NRXN3: variants seen among roughly 807,000 people sequenced by gnomAD.
NRXN3 encodes neurexin 3, also known as neurexin III.
In NRXN3, 32 loss-of-function variants were observed where a neutral mutation model predicts 137.6. The ratio of observed to expected loss-of-function variants is 0.23; its 90% CI spans 0.18 to 0.31. The LOEUF is 0.31. Ranked by LOEUF, NRXN3 falls within the 10% of genes least tolerant of loss-of-function variation. NRXN3 has a pLI of 1.00. For synonymous variants in NRXN3, 798 were observed against 784.5 expected (o/e 1.02, Z -0.29); for missense variants, 1,574 against 2,062.5 (o/e 0.76, Z 4.59).
chr14:79,722,428 C>T (rs2098847834), intron 19 of NRXN3, among the ~76,000 whole-genome samples: 1 of 152,090 alleles, frequency 6.6e-6, no homozygotes, highest in Non-Finnish European at 1.5e-5. Flanking sequence ...AATTCCAACT[C>T]ATATTACCCT....
rs150239150 is a variant in NRXN3, at chr14:78,714,957, A to G, written c.1862A>G (p.Lys621Arg). ...IRDLFIDGRSKNIRQLAEMQN... is the reference protein window; with the variant it reads ...IRDLFIDGRSRNIRQLAEMQN... ...GACCTATTCATTGATGGGCGCAGCAAGAACATTCGACAGCTGGCAGAGATG... is the reference window on the plus strand; with the variant it reads ...GACCTATTCATTGATGGGCGCAGCAGGAACATTCGACAGCTGGCAGAGATG... The change falls in exon 8 of 21, where the codon AAG becomes AGG. Residue 621 changes from lysine to arginine, a missense_variant. By Grantham distance (26) the Lys-to-Arg change is conservative. Transcript: ENST00000335750. 3.6e-5 allele frequency: 58 copies of G among 1,614,056 alleles called. 1 individual carries two copies. The African/African-American group carries it at 7.1e-4, about 20-fold the overall frequency.
At chr14:79,073,492 T>A (rs893690316) in intron 15 of NRXN3, among the ~76,000 whole-genome samples, 1 of 152,186 alleles carries the variant, frequency 6.6e-6, no homozygotes, top group Non-Finnish European at 1.5e-5. Flanking sequence ...TCCTGCTTGA[T>A]GTGAATAAAA....
intron 4 of NRXN3, among the ~76,000 whole-genome samples, chr14:78,380,295 G>A (rs34844197): frequency 0.046 from 5,113 of 110,364 alleles, 133 homozygotes; most frequent in Admixed American, 0.1. Flanking sequence ...GCGACAGAGC[G>A]AGACTCCGTC....
At chr14:79,381,392 T>C (rs1343963335) in intron 15 of NRXN3, among the ~76,000 whole-genome samples, 4 of 152,126 alleles carry the variant, frequency 2.6e-5, no homozygotes, top group Admixed American at 2.6e-4. Flanking sequence ...TATTGAACTA[T>C]ATGATCTCTG....
intron 10 of NRXN3, among the ~76,000 whole-genome samples, chr14:78,926,624 T>C: frequency 1.8e-5 from 2 of 108,314 alleles, no homozygotes; most frequent in South Asian, 4.7e-4. Context: ...AATGTATATT[T>C]ATATATAATA....
At chr14:78,446,060 G>A (rs2094409465) in intron 4 of NRXN3, among the ~76,000 whole-genome samples, 1 of 152,164 alleles carries the variant, frequency 6.6e-6, no homozygotes, top group Non-Finnish European at 1.5e-5. Context: ...GCAAGGCACA[G>A]CAAGCTTGAC....
chr14:79,299,621 A>C (rs2084797795), intron 15 of NRXN3, among the ~76,000 whole-genome samples: 1 of 152,118 alleles, frequency 6.6e-6, no homozygotes, highest in Admixed American at 6.6e-5. Flanking sequence ...TGTTGTGATT[A>C]AACATTTTTA....
At chr14:79,759,177 G>A (rs754351038) in intron 19 of NRXN3, among the ~76,000 whole-genome samples, 1 of 152,080 alleles carries the variant, frequency 6.6e-6, no homozygotes, top group Non-Finnish European at 1.5e-5. Context: ...AGTTAAGGAG[G>A]CCAATTTCTC....
At chr14:79,511,195 T>C (rs2096929186) in intron 16 of NRXN3, among the ~76,000 whole-genome samples, 1 of 152,202 alleles carries the variant, frequency 6.6e-6, no homozygotes, top group Non-Finnish European at 1.5e-5. Context: ...ACTGGAAAGA[T>C]AGCAAGTGGA....
chr14:79,413,257 T>A (rs552953756), intron 15 of NRXN3, among the ~76,000 whole-genome samples: 1 of 152,296 alleles, frequency 6.6e-6, no homozygotes, highest in South Asian at 2.1e-4. Context: ...TCTCTGTAAA[T>A]CTGAGAAGTT....
chr14:79,495,315 T>C (rs1367442153), intron 16 of NRXN3, among the ~76,000 whole-genome samples: 4 of 152,204 alleles, frequency 2.6e-5, no homozygotes, highest in African/African-American at 9.6e-5. Flanking sequence ...ACAGCTTCCT[T>C]TATCCCTTAG....
chr14:78,811,369 AAGAGAGAG>A (rs138202384), intron 10 of NRXN3, among the ~76,000 whole-genome samples: 1 of 149,386 alleles, frequency 6.7e-6, no homozygotes, highest in Non-Finnish European at 1.5e-5. Flanking sequence ...ATCCGTAGGG[AAGAGAGAG>A]AGAGAGAGAG....
At chr14:78,426,997 C>T (rs2093689572) in intron 4 of NRXN3, among the ~76,000 whole-genome samples, 1 of 152,106 alleles carries the variant, frequency 6.6e-6, no homozygotes, top group Admixed American at 6.5e-5. Flanking sequence ...CTGATTACTT[C>T]AAAAGGAAAA....
chr14:79,758,012 A>AGAGTG (rs1335578908), intron 19 of NRXN3, among the ~76,000 whole-genome samples: 1 of 152,200 alleles, frequency 6.6e-6, no homozygotes, highest in Non-Finnish European at 1.5e-5. Context: ...CCATTAAAGT[A>AGAGTG]GAGTGTGTTG....
intron 4 of NRXN3, among the ~76,000 whole-genome samples, chr14:78,527,195 G>A (rs1013750341): frequency 2.6e-5 from 4 of 152,116 alleles, no homozygotes; most frequent in Admixed American, 2.0e-4. Flanking sequence ...CTGAGACTGA[G>A]TAATTTATAA....
chr14:79,295,801 T>G (rs2083990219), intron 15 of NRXN3, among the ~76,000 whole-genome samples: 1 of 152,222 alleles, frequency 6.6e-6, no homozygotes, highest in Non-Finnish European at 1.5e-5. Context: ...TTTTTCACGT[T>G]GCAGCTGACT....
chr14:78,991,468 C>A (rs1306467207), intron 15 of NRXN3, among the ~76,000 whole-genome samples: 6 of 152,084 alleles, frequency 3.9e-5, no homozygotes, highest in Non-Finnish European at 2.9e-5. Context: ...TTGTAAAAAG[C>A]ATTTTGTGGG....
intron 1 of NRXN3, among the ~76,000 whole-genome samples, chr14:78,188,676 C>G (rs2153369268): frequency 6.6e-6 from 1 of 152,288 alleles, no homozygotes; most frequent in South Asian, 2.1e-4. Flanking sequence ...AAGACATAGA[C>G]TTTGGAATCA....
chr14:78,945,829 T>C (rs1367744260), intron 10 of NRXN3, among the ~76,000 whole-genome samples: 2 of 152,232 alleles, frequency 1.3e-5, no homozygotes, highest in African/African-American at 4.8e-5. Context: ...TTCTGGACCC[T>C]GCCTGAAGAG....
Sources: gnomAD v4.1 joint callset for allele counts (sites outside exome capture counted in the v4.1 genomes callset) on GRCh38, gnomAD v4.1.1 for gene constraint, MANE v1.5 for transcripts, NCBI Gene and HGNC (gene_info 2026-07-23, HGNC 2026-07-21) for gene names.